Variants in ENTREP2 observed in about 807,000 individuals in gnomAD.
The protein encoded by ENTREP2 is endosomal transmembrane epsin interactor 2.
At chr15:29,403,442 C>T in the ENTREP2 span, among the ~76,000 whole-genome samples, 1 of 152,106 alleles carries the variant, frequency 6.6e-6, no homozygotes, top group Non-Finnish European at 1.5e-5. Flanking sequence ...ATAATAAAAA[C>T]AATGTATTTG....
chr15:29,610,227 C>G, the ENTREP2 span: 3 of 150,736 alleles, frequency 2.0e-5, no homozygotes, highest in African/African-American at 7.3e-5. Flanking sequence ...CAATCTTTGT[C>G]TACACCTAGA....
the ENTREP2 span, among the ~76,000 whole-genome samples, chr15:29,484,672 G>A: frequency 6.6e-6 from 1 of 152,042 alleles, no homozygotes; most frequent in African/African-American, 2.4e-5. Context: ...CATGATAACA[G>A]AAACACTCAG....
the ENTREP2 span, among the ~76,000 whole-genome samples, chr15:29,361,666 T>C: frequency 2.0e-5 from 3 of 152,328 alleles, no homozygotes; most frequent in East Asian, 5.8e-4. Context: ...CAACAGGCTC[T>C]GAGCCTCATC....
At chr15:29,317,722 C>T in the ENTREP2 span, among the ~76,000 whole-genome samples, 2 of 152,136 alleles carry the variant, frequency 1.3e-5, no homozygotes, top group Non-Finnish European at 2.9e-5. Flanking sequence ...CTGCTACAGG[C>T]TCATGCAGAA....
At chr15:29,639,120 T>C in the ENTREP2 span, among the ~76,000 whole-genome samples, 1 of 152,234 alleles carries the variant, frequency 6.6e-6, no homozygotes, top group Non-Finnish European at 1.5e-5. Context: ...TTGAAAGAAA[T>C]CTTTGTCGTG....
the ENTREP2 span, among the ~76,000 whole-genome samples, chr15:29,190,631 T>C: frequency 6.6e-6 from 1 of 152,146 alleles, no homozygotes; most frequent in Non-Finnish European, 1.5e-5. Context: ...AAGCAAGTAG[T>C]TGGACAAATC....
the ENTREP2 span, among the ~76,000 whole-genome samples, chr15:29,562,175 G>A: frequency 2.8e-4 from 42 of 152,354 alleles, no homozygotes; most frequent in East Asian, 7.9e-3. Flanking sequence ...GAAGGCTGAG[G>A]AGAGTGAAGA....
the ENTREP2 span, among the ~76,000 whole-genome samples, chr15:29,517,573 G>T: frequency 6.6e-6 from 1 of 152,080 alleles, no homozygotes; most frequent in African/African-American, 2.4e-5. Flanking sequence ...TTTTCTACTT[G>T]ACTGTGAAGC....
the ENTREP2 span, among the ~76,000 whole-genome samples, chr15:29,550,597 A>C: frequency 4.6e-5 from 7 of 152,234 alleles, no homozygotes; most frequent in Admixed American, 4.6e-4. Flanking sequence ...TTTCTTGGCA[A>C]CTGTTGCTTC....
chr15:29,484,764 A>G, the ENTREP2 span, among the ~76,000 whole-genome samples: 1 of 152,208 alleles, frequency 6.6e-6, no homozygotes, highest in Non-Finnish European at 1.5e-5. Flanking sequence ...TCACTTGTGG[A>G]ATAAATTCTT....
At chr15:29,236,195 C>A in the ENTREP2 span, among the ~76,000 whole-genome samples, 1 of 151,658 alleles carries the variant, frequency 6.6e-6, no homozygotes, top group Admixed American at 6.6e-5. Context: ...AACTACAGAC[C>A]CTGCAGACAT....
chr15:29,126,286 C>T, the ENTREP2 span: 6 of 1,479,280 alleles, frequency 4.1e-6, no homozygotes, highest in Non-Finnish European at 5.4e-6. Context: ...TAGATGTGCA[C>T]AAGGTGGGGT....
the ENTREP2 span, among the ~76,000 whole-genome samples, chr15:29,493,125 CTTTTTTT>C: frequency 8.4e-3 from 706 of 84,510 alleles, no homozygotes; most frequent in Non-Finnish European, 0.012. Context: ...CCTGACAACC[CTTTTTTT>C]TTTTTTTTTT....
At chr15:29,600,902 C>CTT in the ENTREP2 span, among the ~76,000 whole-genome samples, 19 of 123,608 alleles carry the variant, frequency 1.5e-4, 2 homozygotes, top group East Asian at 1.5e-3. Context: ...ATTTTTCTTT[C>CTT]TTTTTTTTTT....
the ENTREP2 span, among the ~76,000 whole-genome samples, chr15:29,672,720 T>G: frequency 6.7e-4 from 102 of 152,154 alleles, no homozygotes; most frequent in South Asian, 1.2e-3. Flanking sequence ...CAAACCAGTC[T>G]CCCTGAAAAC....
the ENTREP2 span, chr15:29,452,621 T>A: frequency 6.6e-6 from 1 of 152,134 alleles, no homozygotes; most frequent in Admixed American, 6.5e-5. Flanking sequence ...CGGGAATCCT[T>A]TAGCGTCACA....
At chr15:29,640,015 C>T in the ENTREP2 span, among the ~76,000 whole-genome samples, 23 of 152,106 alleles carry the variant, frequency 1.5e-4, no homozygotes, top group African/African-American at 5.1e-4. Context: ...GCAGTCTGCC[C>T]GCCTTGGCCT....
chr15:29,284,446 A>G, the ENTREP2 span, among the ~76,000 whole-genome samples: 193 of 151,792 alleles, frequency 1.3e-3, 3 homozygotes, highest in African/African-American at 4.1e-3. Context: ...AATCCCAGCT[A>G]CTCAGGAGGA....
the ENTREP2 span, among the ~76,000 whole-genome samples, chr15:29,192,292 A>G: frequency 3.3e-5 from 5 of 152,240 alleles, no homozygotes; most frequent in Non-Finnish European, 5.9e-5. Context: ...GCAAAAGAGA[A>G]TAACATATCA....
Sources: allele counts gnomAD v4.1 joint callset (sites outside exome capture counted in the v4.1 genomes callset), GRCh38; gene constraint gnomAD v4.1.1; transcripts MANE v1.5; gene names NCBI Gene and HGNC (gene_info 2026-07-23, HGNC 2026-07-21).